The following SGCG variants were observed in gnomAD, a reference collection of about 807,000 sequenced individuals.
The protein encoded by SGCG is sarcoglycan gamma.
Under a neutral mutation model 29.3 loss-of-function variants are expected in SGCG, and 26 were observed. The ratio of observed to expected loss-of-function variants is 0.89; its 90% CI spans 0.65 to 1.23. The LOEUF is 1.23. SGCG is among the 50% of genes most tolerant of loss of function. The pLI, the probability that SGCG is intolerant of heterozygous loss-of-function variation, is 0.00. For synonymous variants in SGCG, 145 were observed against 129.7 expected (o/e 1.12, Z -0.80); for missense variants, 353 against 356.0 (o/e 0.99, Z 0.07).
chr13:23,248,004 G>A (rs1433464669), intron 3 of SGCG, among the ~76,000 whole-genome samples: 3 of 143,780 alleles, frequency 2.1e-5, no homozygotes, highest in Non-Finnish European at 4.6e-5. Context: ...GCCAGATGTA[G>A]TGGCTCACGC....
At chr13:23,273,739 T>C (rs1880955502) in intron 4 of SGCG, among the ~76,000 whole-genome samples, 1 of 152,214 alleles carries the variant, frequency 6.6e-6, no homozygotes, top group South Asian at 2.1e-4. Flanking sequence ...GAGTATTATG[T>C]GTGGTCTTTC....
At chr13:23,223,895 G>A (rs1208724252) in intron 2 of SGCG, among the ~76,000 whole-genome samples, 2 of 152,166 alleles carry the variant, frequency 1.3e-5, no homozygotes, top group African/African-American at 4.8e-5. Context: ...GAACCCGGGA[G>A]GTGGAGGTTG....
the SGCG span, chr13:23,170,019 G>A: frequency 8.5e-5 from 13 of 152,286 alleles, no homozygotes; most frequent in South Asian, 2.1e-4. Context: ...AGCACTATCC[G>A]ATTCAGGGCA....
At chr13:23,220,280 C>T (rs1275804228) in intron 2 of SGCG, among the ~76,000 whole-genome samples, 1 of 152,060 alleles carries the variant, frequency 6.6e-6, no homozygotes, top group Non-Finnish European at 1.5e-5. Context: ...TGGAGAAACC[C>T]GTCTCTACTA....
At chr13:23,248,757 C>T (rs1190599300) in intron 3 of SGCG, among the ~76,000 whole-genome samples, 1 of 142,892 alleles carries the variant, frequency 7.0e-6, no homozygotes, top group Non-Finnish European at 1.5e-5. Flanking sequence ...CTTTGGGAGG[C>T]CGAGGAGGGC....
intron 6 of SGCG, 22 bp from the exon 7 acceptor site, chr13:23,320,615 G>GCTTTTTT: frequency 3.5e-5 from 25 of 710,834 alleles, no homozygotes; most frequent in South Asian, 1.1e-4. Context: ...TTTTTTTTTT[G>GCTTTTTT]TGCTTCTTTT....
intron 4 of SGCG, among the ~76,000 whole-genome samples, chr13:23,272,105 C>A (rs1338880130): frequency 6.6e-6 from 1 of 152,170 alleles, no homozygotes; most frequent in East Asian, 1.9e-4. Context: ...TGCAAATATA[C>A]AATGTTACTT....
chr13:23,305,209 C>T (rs533688486), intron 6 of SGCG, among the ~76,000 whole-genome samples: 2 of 152,268 alleles, frequency 1.3e-5, no homozygotes, highest in East Asian at 3.9e-4. Flanking sequence ...GGGTGTCTTT[C>T]CATTTGTTCA....
intron 2 of SGCG, among the ~76,000 whole-genome samples, chr13:23,207,547 A>G (rs1249848866): frequency 6.6e-6 from 1 of 152,232 alleles, no homozygotes; most frequent in African/African-American, 2.4e-5. Flanking sequence ...ATGGGAGAAG[A>G]TATTTGCAAA....
At chr13:23,196,145 C>T (rs1352855725) in intron 1 of SGCG, among the ~76,000 whole-genome samples, 4 of 151,538 alleles carry the variant, frequency 2.6e-5, no homozygotes, top group Admixed American at 2.6e-4. Flanking sequence ...TTTCACATAC[C>T]CAAAATACTA....
At chr13:23,200,023 G>A (rs937612231) in intron 1 of SGCG, among the ~76,000 whole-genome samples, 1 of 152,154 alleles carries the variant, frequency 6.6e-6, no homozygotes, top group Non-Finnish European at 1.5e-5. Flanking sequence ...CACACTAAAC[G>A]TACTCTGTTT....
intron 6 of SGCG, among the ~76,000 whole-genome samples, chr13:23,299,123 T>C (rs2709242): frequency 0.37 from 56,479 of 151,690 alleles, 11,116 homozygotes; most frequent in East Asian, 0.79. Context: ...GATAGTTCCA[T>C]GTTGTAAGTC....
At chr13:23,257,433 G>T (rs574900965) in intron 4 of SGCG, among the ~76,000 whole-genome samples, 1 of 151,998 alleles carries the variant, frequency 6.6e-6, no homozygotes, top group African/African-American at 2.4e-5. Context: ...ATGGACAGGG[G>T]TGGGCATTTA....
At chr13:23,180,142 G>C (rs1876681409), upstream of SGCG, among the ~76,000 whole-genome samples, 1 of 152,234 alleles carries the variant, frequency 6.6e-6, no homozygotes, top group East Asian at 1.9e-4. Flanking sequence ...CAAATATGAA[G>C]TATATAATTT....
chr13:23,244,027 C>T (rs1403639490), intron 3 of SGCG: 2 of 151,930 alleles, frequency 1.3e-5, no homozygotes, highest in African/African-American at 4.8e-5. Context: ...AGACTATTTT[C>T]CTTTTGAAAC....
chr13:23,182,721 T>A (rs1247672550), intron 1 of SGCG, among the ~76,000 whole-genome samples: 1 of 151,760 alleles, frequency 6.6e-6, no homozygotes, highest in Non-Finnish European at 1.5e-5. Context: ...TCAGAACCTG[T>A]GAAAATCTCA....
chr13:23,227,922 C>T lies in SGCG; in HGVS notation c.196-6689C>T, dbSNP rs541595803. Among the ~76,000 whole-genome samples the T allele has an allele frequency of 5.3e-3, 809 of 152,220 alleles. 7 individuals carry two copies. Among genetic ancestry groups the T allele is most frequent in the African/African-American group, 0.019 (775 of 41,560 alleles). On this transcript the variant is annotated intron_variant, in intron 2 of 7. Transcript: ENST00000218867. ...TCCTCCTGGGCTCAAGGGATCCTCC[C>T]CGCTCAGCCTCCAGAGTACCTGAGA...
chr13:23,289,403 T>A (rs1881614870), intron 5 of SGCG, among the ~76,000 whole-genome samples: 1 of 152,228 alleles, frequency 6.6e-6, no homozygotes, highest in African/African-American at 2.4e-5. Context: ...TATGTTGATA[T>A]TTCCCTTTTG....
intron 6 of SGCG, among the ~76,000 whole-genome samples, chr13:23,318,201 A>AGT (rs202138802): frequency 0.35 from 53,125 of 150,122 alleles, 10,788 homozygotes; most frequent in Non-Finnish European, 0.44. Context: ...ATGTCCTACT[A>AGT]TAACTACTAG....
Sources: allele counts gnomAD v4.1 joint callset (sites outside exome capture counted in the v4.1 genomes callset), GRCh38; gene constraint gnomAD v4.1.1; transcripts MANE v1.5; gene names NCBI Gene and HGNC (gene_info 2026-07-23, HGNC 2026-07-21).